Variants in PLCB1 observed in about 807,000 individuals in gnomAD.
PLCB1 encodes the protein 1-phosphatidylinositol 4,5-bisphosphate phosphodiesterase beta-1.
In PLCB1, 46 loss-of-function variants were observed where a neutral mutation model predicts 161.8. The observed-to-expected ratio is 0.28, with a 90% confidence interval of 0.22 to 0.36. PLCB1 has a LOEUF of 0.36. Ranked by LOEUF, PLCB1 falls within the 10% of genes least tolerant of loss-of-function variation. The probability of loss-of-function intolerance (pLI) is 1.00; values close to 1 mark genes in which losing one functional copy is unlikely to be tolerated. For missense variants in PLCB1, 1,016 were observed against 1,472.5 expected, an observed-to-expected ratio of 0.69 and a Z score of 5.07; for synonymous variants, 517 against 503.7, an observed-to-expected ratio of 1.03 and a Z score of -0.35.
intron 2 of PLCB1, among the ~76,000 whole-genome samples, chr20:8,245,761 A>ACAAT (rs1980847814): frequency 6.6e-6 from 1 of 151,924 alleles, no homozygotes; most frequent in Non-Finnish European, 1.5e-5. Flanking sequence ...GCCATTGTTA[A>ACAAT]CAATCAAATT....
intron 3 of PLCB1, among the ~76,000 whole-genome samples, chr20:8,520,666 C>T (rs1253306806): frequency 6.6e-6 from 1 of 152,144 alleles, no homozygotes; most frequent in Non-Finnish European, 1.5e-5. Flanking sequence ...TTTAGCTAAC[C>T]ACTCCACGAC....
At chr20:8,792,313 T>C (rs969979751) in intron 31 of PLCB1, among the ~76,000 whole-genome samples, 2 of 152,190 alleles carry the variant, frequency 1.3e-5, no homozygotes, top group African/African-American at 4.8e-5. Context: ...ACTTTCATGA[T>C]TGGCTTAGAG....
chr20:8,307,653 G>A (rs971596154), intron 2 of PLCB1, among the ~76,000 whole-genome samples: 6 of 152,026 alleles, frequency 3.9e-5, no homozygotes, highest in African/African-American at 1.4e-4. Flanking sequence ...GGGCACGGTG[G>A]CTCACACCTG....
At chr20:8,612,600 T>C (rs79936594) in intron 3 of PLCB1, among the ~76,000 whole-genome samples, 3,089 of 152,292 alleles carry the variant, frequency 0.02, 87 homozygotes, top group African/African-American at 0.065. Flanking sequence ...CTAAACCCCA[T>C]AGATCTGTAG....
At chr20:8,193,033 C>T (rs1218289565) in intron 2 of PLCB1, among the ~76,000 whole-genome samples, 1 of 151,888 alleles carries the variant, frequency 6.6e-6, no homozygotes, top group Non-Finnish European at 1.5e-5. Context: ...GAAGTCCAGC[C>T]CAGGAATTTC....
chr20:8,803,781 G>T (rs1222853613), intron 31 of PLCB1, among the ~76,000 whole-genome samples: 3 of 146,652 alleles, frequency 2.0e-5, no homozygotes, highest in African/African-American at 8.0e-5. Context: ...TGTGTTTTTT[G>T]TTTGTTTGTT....
Position 8,792,419 on chromosome 20 carries a change from G to A in PLCB1, c.3423+2158G>A, listed in dbSNP as rs144625025. Among the ~76,000 whole-genome samples the A allele has an allele frequency of 7.1e-3, 1,084 of 152,292 alleles. 14 individuals are homozygous for A. The highest frequency in any genetic ancestry group is 0.043 in the South Asian group (206 of 4,824). The stretch of plus-strand genomic sequence containing the variant: ...ACAAAACTGATATTTTATCATCAAA[G>A]AAATAGAGGGGAAATAGCAACTGGG... On this transcript the variant is annotated intron_variant, in intron 31 of 31. Transcript: ENST00000338037.
chr20:8,403,761 T>TC (rs1978667130), intron 3 of PLCB1, among the ~76,000 whole-genome samples: 1 of 152,196 alleles, frequency 6.6e-6, no homozygotes, highest in South Asian at 2.1e-4. Context: ...GCCATTGCAT[T>TC]CCTCAGGGGA....
At chr20:8,539,633 T>TTTCTTTCTTTCC (rs1555768727) in intron 3 of PLCB1, among the ~76,000 whole-genome samples, 4 of 87,254 alleles carry the variant, frequency 4.6e-5, no homozygotes, top group South Asian at 4.9e-4. Flanking sequence ...TCTTTCTTTC[T>TTTCTTTCTTTCC]TTCTTTCTTT....
chr20:8,255,423 TC>T (rs1981361283), intron 2 of PLCB1, among the ~76,000 whole-genome samples: 1 of 152,098 alleles, frequency 6.6e-6, no homozygotes, highest in East Asian at 1.9e-4. Flanking sequence ...AATAACAATG[TC>T]ATTGCCCTAA....
chr20:8,761,979 G>GGGT (rs1055479071), intron 25 of PLCB1, among the ~76,000 whole-genome samples: 1 of 151,528 alleles, frequency 6.6e-6, no homozygotes, highest in African/African-American at 2.4e-5. Flanking sequence ...GAGGCCAAGG[G>GGGT]GGGGGCGGAT....
At chr20:8,518,332 C>G (rs754117886) in intron 3 of PLCB1, among the ~76,000 whole-genome samples, 12 of 152,096 alleles carry the variant, frequency 7.9e-5, no homozygotes, top group Non-Finnish European at 1.6e-4. Flanking sequence ...CTTTTCTCTC[C>G]CAGCTTCAGC....
Position 8,471,267 on chromosome 20 carries a change from C to A in PLCB1, c.246+99817C>A, listed in dbSNP as rs183395005. ...GTTTTAACTCAAGGGCTTCCTTGAA[C>A]CTTTAATATGTAAATAGACATTGTA... is the stretch of plus-strand genomic sequence containing the variant. On this transcript the variant is annotated intron_variant, in intron 3 of 31. Coordinates refer to ENST00000338037, the MANE Select transcript of PLCB1 (RefSeq NM_015192.4). Among the ~76,000 whole-genome samples the A allele has an allele frequency of 3.0e-3, 455 of 152,212 alleles. 2 individuals carry two copies. Among genetic ancestry groups the A allele is most frequent in the African/African-American group, 9.8e-3 (406 of 41,538 alleles).
intron 2 of PLCB1, among the ~76,000 whole-genome samples, chr20:8,302,195 C>G (rs1039929988): frequency 3.3e-5 from 5 of 152,200 alleles, no homozygotes; most frequent in African/African-American, 1.2e-4. Context: ...AGAACCTTCT[C>G]TTTGTATTCT....
intron 3 of PLCB1, among the ~76,000 whole-genome samples, chr20:8,478,764 C>T (rs558940488): frequency 6.6e-6 from 1 of 151,988 alleles, no homozygotes; most frequent in East Asian, 1.9e-4. Context: ...TTGCTAACTT[C>T]AAAATGTAAA....
intron 10 of PLCB1, among the ~76,000 whole-genome samples, chr20:8,686,189 TAAAACTG>T (rs1990353215): frequency 6.6e-6 from 1 of 152,212 alleles, no homozygotes; most frequent in South Asian, 2.1e-4. Context: ...AGGTTAAAAT[TAAAACTG>T]TAACCATTCT....
intron 3 of PLCB1, among the ~76,000 whole-genome samples, chr20:8,451,176 C>A (rs8126389): frequency 0.016 from 2,503 of 152,196 alleles, 71 homozygotes; most frequent in African/African-American, 0.057. Context: ...TTCAGCTATG[C>A]CTATATATGT....
intron 2 of PLCB1, among the ~76,000 whole-genome samples, chr20:8,245,503 A>G (rs1350091529): frequency 6.6e-6 from 1 of 151,928 alleles, no homozygotes; most frequent in Non-Finnish European, 1.5e-5. Flanking sequence ...TAGATATAGC[A>G]TAATTTACTT....
chr20:8,725,706 G>C (rs1979897453), intron 16 of PLCB1, among the ~76,000 whole-genome samples: 1 of 152,010 alleles, frequency 6.6e-6, no homozygotes, highest in South Asian at 2.1e-4. Flanking sequence ...TCCTAGCGTA[G>C]TTATTTTTAT....
Sources: gnomAD v4.1 joint callset for allele counts (sites outside exome capture counted in the v4.1 genomes callset) on GRCh38, gnomAD v4.1.1 for gene constraint, MANE v1.5 for transcripts, NCBI Gene and HGNC (gene_info 2026-07-23, HGNC 2026-07-21) for gene names.